FLT1: variants seen among roughly 807,000 people sequenced by gnomAD.
FLT1 encodes vascular endothelial growth factor receptor 1.
In FLT1, 49 loss-of-function variants were observed where a neutral mutation model predicts 156.3. That is an observed-to-expected ratio of 0.31 (90% CI 0.25 to 0.40). The LOEUF is 0.40. FLT1 is among the 10% of genes least tolerant of loss of function. FLT1 has a pLI of 1.00. For synonymous variants in FLT1, 594 were observed against 583.8 expected, an observed-to-expected ratio of 1.02 and a Z score of -0.25; for missense variants, 1,322 against 1,637.2, an observed-to-expected ratio of 0.81 and a Z score of 3.32.
chr13:28,316,764 A>G (rs2011950), intron 25 of FLT1, among the ~76,000 whole-genome samples: 108,952 of 151,164 alleles, frequency 0.72, 41,302 homozygotes, highest in East Asian at 1. Flanking sequence ...TCAGCCTCCC[A>G]AGTAGCTGCC....
chr13:28,393,307 G>A (rs1874849452), intron 12 of FLT1, among the ~76,000 whole-genome samples: 2 of 152,272 alleles, frequency 1.3e-5, no homozygotes, highest in Admixed American at 6.5e-5. Flanking sequence ...TCAGGCATGT[G>A]CATTAAGTTC....
rs765294315 is a variant in FLT1, at chr13:28,322,203, T to C, written c.3051+59A>G. On this transcript the variant is annotated intron_variant, in intron 22 of 29. Coordinates refer to ENST00000282397, the MANE Select transcript of FLT1 (RefSeq NM_002019.4). This position sits in a 1 kb window ranked among gnomAD's most constrained non-coding sequence, Gnocchi z 4.3. ...GCAAATACTAGGAAAAATGAATTTA[T>C]AGCAAAGGTGTGTGTCCAGCCCTGG... 1.2e-5 allele frequency: 12 copies of C among 1,010,744 alleles called. No homozygotes were observed. The highest frequency in any genetic ancestry group is 1.7e-5 in the Non-Finnish European group (11 of 630,838). 62.6% of individuals were successfully genotyped at this position (1,010,744 alleles called of 1,614,324 possible). A position where few individuals can be genotyped will look rare whatever the true frequency, so the allele number is the denominator to read the frequency against.
chr13:28,349,834 C>T (rs1872686565), intron 15 of FLT1, among the ~76,000 whole-genome samples: 1 of 152,078 alleles, frequency 6.6e-6, no homozygotes, highest in Non-Finnish European at 1.5e-5. Context: ...TCAAGATGAC[C>T]ATTTATCGGG....
Position 28,366,533 on chromosome 13 carries a change from G to A in FLT1, c.2117-8848C>T, listed in dbSNP as rs143272024. Among the ~76,000 whole-genome samples, 909 of 151,822 alleles carry A rather than the reference G, an allele frequency of 6.0e-3. 7 individuals carry two copies. The highest frequency in any genetic ancestry group is 0.021 in the African/African-American group (866 of 41,352). On this transcript the variant is annotated intron_variant, in intron 14 of 29. Coordinates refer to ENST00000282397, the MANE Select transcript of FLT1 (RefSeq NM_002019.4). Reference sequence around the variant, plus strand: ...TATCCAGGCTGGAGTGAAATGGCACGATCTCGGCTCACTGCAACCTCCGCC... The same window carrying A: ...TATCCAGGCTGGAGTGAAATGGCACAATCTCGGCTCACTGCAACCTCCGCC...
intron 12 of FLT1, among the ~76,000 whole-genome samples, chr13:28,393,422 A>G (rs1874856306): frequency 6.6e-6 from 1 of 152,190 alleles, no homozygotes; most frequent in South Asian, 2.1e-4. Flanking sequence ...ATATTACTTA[A>G]AAAGAGAGTG....
chr13:28,442,919 C>T (rs571267242), intron 3 of FLT1, among the ~76,000 whole-genome samples: 1 of 152,302 alleles, frequency 6.6e-6, no homozygotes, highest in East Asian at 1.9e-4. Flanking sequence ...TTACTACTCC[C>T]GTAGGACACA....
intron 29 of FLT1, 135 bp from the exon 30 acceptor site, chr13:28,303,503 C>CCA (rs58958637): frequency 1.3e-6 from 1 of 752,366 alleles, no homozygotes; most frequent in East Asian, 2.7e-5. Context: ...CCCCCCCCCC[C>CCA]TCAATTGCTG....
intron 6 of FLT1, 138 bp downstream of exon 6, chr13:28,433,681 C>G (rs1593788155): frequency 2.4e-6 from 2 of 824,974 alleles, no homozygotes; most frequent in Admixed American, 1.9e-5. Context: ...GCACTCAAAC[C>G]AAACCCAAAG....
intron 14 of FLT1, among the ~76,000 whole-genome samples, chr13:28,372,753 G>A (rs1305510904): frequency 6.6e-6 from 1 of 151,212 alleles, no homozygotes; most frequent in Non-Finnish European, 1.5e-5. Context: ...ATGGTGGTGC[G>A]GGCCTGTAGT....
intron 3 of FLT1, among the ~76,000 whole-genome samples, chr13:28,462,701 C>G (rs1314712885): frequency 6.6e-6 from 1 of 152,136 alleles, no homozygotes; most frequent in Non-Finnish European, 1.5e-5. Context: ...CAAGTGGCCC[C>G]TTCCAGGATT....
chr13:28,355,077 G>A (rs1434221043), intron 15 of FLT1, among the ~76,000 whole-genome samples: 3 of 152,190 alleles, frequency 2.0e-5, no homozygotes, highest in Non-Finnish European at 4.4e-5. Context: ...CTGAAAGAGT[G>A]CTTTTGCTCA....
chr13:28,319,275 T>G, intron 24 of FLT1, 148 bp downstream of exon 24: 1 of 677,494 alleles, frequency 1.5e-6, no homozygotes, highest in Admixed American at 2.1e-5. Flanking sequence ...CCATTACTCA[T>G]CTGAGAGTCT....
At chr13:28,415,240 G>A (rs757473846) in intron 10 of FLT1, among the ~76,000 whole-genome samples, 27 of 152,214 alleles carry the variant, frequency 1.8e-4, no homozygotes, top group Non-Finnish European at 3.2e-4. Flanking sequence ...AGCACTTTGG[G>A]AGGCCAAGGC....
chr13:28,389,394 G>A, intron 13 of FLT1: 2 of 1,266,482 alleles, frequency 1.6e-6, no homozygotes, highest in Non-Finnish European at 2.0e-6. Context: ...AAAGAGGTTG[G>A]CATCAAAATG....
chr13:28,430,007 C>G (rs762210399), intron 8 of FLT1, 43 bp downstream of exon 8: 1 of 1,307,408 alleles, frequency 7.6e-7, no homozygotes, highest in Non-Finnish European at 1.1e-6. Context: ...TTCCCACTTA[C>G]AAAGTATGTC....
intron 15 of FLT1, among the ~76,000 whole-genome samples, chr13:28,347,535 A>G (rs1872608745): frequency 6.6e-6 from 1 of 152,034 alleles, no homozygotes; most frequent in South Asian, 2.1e-4. Context: ...CCAAAACAAG[A>G]CACAAGACCC....
chr13:28,450,143 G>T (rs1296659649), intron 3 of FLT1, among the ~76,000 whole-genome samples: 1 of 152,166 alleles, frequency 6.6e-6, no homozygotes, highest in Non-Finnish European at 1.5e-5. Context: ...TGTGCACACG[G>T]ACAGTCCCTG....
chr13:28,327,661 G>A (rs968272011), intron 19 of FLT1, 111 bp from the exon 20 acceptor site: 13 of 743,092 alleles, frequency 1.7e-5, no homozygotes, highest in African/African-American at 1.2e-4. Flanking sequence ...TGTATTAGTG[G>A]GGCGAAGGGA....
In FLT1 at chr13:28,447,541, G is replaced by A. The variant is rs185411957; in HGVS notation, c.389-9196C>T. On this transcript the variant is annotated intron_variant, in intron 3 of 29. Transcript: ENST00000282397. ...GTAAATCTTCATGATCTCAAATATG[G>A]CATTGGATTCTTATATATGATACCA... Among the ~76,000 whole-genome samples, 398 of 152,000 alleles carry A rather than the reference G, an allele frequency of 2.6e-3. 2 individuals carry two copies. Among genetic ancestry groups the A allele is most frequent in the African/African-American group, 9.2e-3 (380 of 41,464 alleles).
Sources: gnomAD v4.1 joint callset for allele counts (sites outside exome capture counted in the v4.1 genomes callset) on GRCh38, gnomAD v4.1.1 for gene constraint, Gnocchi (gnomAD v3.1) non-coding constraint, MANE v1.5 for transcripts, NCBI Gene and HGNC (gene_info 2026-07-23, HGNC 2026-07-21) for gene names.